Variants in PTPN3 observed in about 807,000 individuals in gnomAD.
PTPN3 encodes the protein tyrosine-protein phosphatase non-receptor type 3.
A neutral mutation model predicts 132.7 loss-of-function variants in PTPN3; 96 were observed. The ratio of observed to expected loss-of-function variants is 0.72; its 90% CI spans 0.61 to 0.86. The LOEUF (loss-of-function observed/expected upper bound fraction) is 0.86. Ranked by LOEUF, PTPN3 falls within the 40% of genes least tolerant of loss-of-function variation. The pLI, the probability that PTPN3 is intolerant of heterozygous loss-of-function variation, is 0.00. For missense variants in PTPN3, 1,125 were observed against 1,159.6 expected, an observed-to-expected ratio of 0.97 and a Z score of 0.43; for synonymous variants, 398 against 429.0, an observed-to-expected ratio of 0.93 and a Z score of 0.89.
rs149073049 is a variant in PTPN3 at position 109,433,104 on chromosome 9, G to A, written c.733C>T (p.Arg245Ter). 3.1e-6 allele frequency: 5 copies of A among 1,613,802 alleles called. No homozygotes were observed. Among genetic ancestry groups the A allele is most frequent in the Non-Finnish European group, 4.2e-6 (5 of 1,179,964 alleles). Residue 245 changes from arginine (R) to a stop codon, truncating the protein, a stop_gained, in exon 10 of 26, where the codon CGA becomes TGA. Transcript: ENST00000374541. LOFTEE classifies it high-confidence loss of function. ...GIASAGVAVY[R>*]KYICTSFYPW... ...TAGAAACTTGTGCAAATGTATTTTC[G>A]GTACACAGCAACACCCGCGGAAGCA...
At chr9:109,512,674 G>C in the PTPN3 span, among the ~76,000 whole-genome samples, 1 of 152,168 alleles carries the variant, frequency 6.6e-6, no homozygotes, top group East Asian at 1.9e-4. Context: ...ACATAAAGGA[G>C]ATTAAAATTG....
intron 19 of PTPN3, among the ~76,000 whole-genome samples, chr9:109,399,861 A>C (rs1209359260): frequency 2.6e-5 from 4 of 151,778 alleles, no homozygotes; most frequent in African/African-American, 7.3e-5. Flanking sequence ...CCCACCTGCC[A>C]ACCACACTGG....
the PTPN3 span, among the ~76,000 whole-genome samples, chr9:109,505,639 G>A: frequency 1.3e-5 from 2 of 152,022 alleles, no homozygotes; most frequent in East Asian, 1.9e-4. Context: ...TCCAATATAC[G>A]TACACCAAGA....
At chr9:109,468,587 C>T (rs377350341) in intron 1 of PTPN3, among the ~76,000 whole-genome samples, 3 of 152,138 alleles carry the variant, frequency 2.0e-5, no homozygotes, top group Non-Finnish European at 4.4e-5. Flanking sequence ...AGGATGGTCT[C>T]GATCTCCTGA....
At chr9:109,411,999 T>C (rs932338847) in intron 14 of PTPN3, among the ~76,000 whole-genome samples, 10 of 152,182 alleles carry the variant, frequency 6.6e-5, no homozygotes, top group Non-Finnish European at 2.9e-5. Flanking sequence ...TGACTTTCAC[T>C]TACGTAAAAG....
At position 109,376,485 on chromosome 9, in the gene PTPN3, G is replaced by GC. The variant is rs574867381; in HGVS notation, c.*3070dup. 235 of 152,268 alleles carry GC rather than the reference G, an allele frequency of 1.5e-3. 2 individuals carry two copies. The highest frequency in any genetic ancestry group is 5.3e-3 in the African/African-American group (221 of 41,556). 9.4% of individuals were successfully genotyped at this position (152,268 alleles called of 1,614,324 possible). ...AAGACAACTGTGTGATCCAACCACT[G>GC]CCCCCTAACCAAAGTTGCATTTTTT... On this transcript the variant is annotated 3_prime_UTR_variant, in exon 26 of 26. Coordinates refer to ENST00000374541, the MANE Select transcript of PTPN3 (RefSeq NM_002829.4).
intron 5 of PTPN3, 120 bp from the exon 6 acceptor site, chr9:109,448,975 G>A (rs537562784): frequency 5.0e-5 from 74 of 1,480,794 alleles, no homozygotes; most frequent in Middle Eastern, 5.0e-4. Flanking sequence ...ATAAAAATAC[G>A]GTTTTGGTCC....
chr9:109,430,043 T>A (rs1564432864), intron 10 of PTPN3, among the ~76,000 whole-genome samples: 1 of 152,210 alleles, frequency 6.6e-6, no homozygotes, highest in African/African-American at 2.4e-5. Context: ...GATCTGTTGG[T>A]AGATGTAACT....
chr9:109,506,844 C>T, the PTPN3 span, among the ~76,000 whole-genome samples: 1 of 152,180 alleles, frequency 6.6e-6, no homozygotes, highest in Non-Finnish European at 1.5e-5. Flanking sequence ...CTCAGGCATT[C>T]CTCCCGTCTT....
chr9:109,411,315 G>C (rs1842061737), intron 14 of PTPN3, among the ~76,000 whole-genome samples: 1 of 152,100 alleles, frequency 6.6e-6, no homozygotes, highest in South Asian at 2.1e-4. Flanking sequence ...GCTTTCCCCC[G>C]GCTTAGCAGA....
the PTPN3 span, among the ~76,000 whole-genome samples, chr9:109,530,125 A>G: frequency 2.0e-5 from 3 of 152,318 alleles, no homozygotes; most frequent in Non-Finnish European, 2.9e-5. Flanking sequence ...GTTATAGTCC[A>G]ATGGCATTGA....
At chr9:109,495,480 G>T (rs563338781) in intron 1 of PTPN3, among the ~76,000 whole-genome samples, 1 of 152,276 alleles carries the variant, frequency 6.6e-6, no homozygotes, top group East Asian at 1.9e-4. Flanking sequence ...TTGTGTGCCT[G>T]GACCTGTAGT....
chr9:109,470,588 T>C (rs1414260941), intron 1 of PTPN3, among the ~76,000 whole-genome samples: 1 of 151,360 alleles, frequency 6.6e-6, no homozygotes, highest in East Asian at 1.9e-4. Flanking sequence ...CCTAGGTATT[T>C]GGGAGGCTGA....
At chr9:109,456,676 G>A (rs1845581825) in intron 4 of PTPN3, among the ~76,000 whole-genome samples, 1 of 152,196 alleles carries the variant, frequency 6.6e-6, no homozygotes, top group African/African-American at 2.4e-5. Context: ...CCACCGAACT[G>A]GGAGTTAGCT....
intron 1 of PTPN3, among the ~76,000 whole-genome samples, chr9:109,487,523 G>A (rs922835949): frequency 3.9e-5 from 6 of 152,240 alleles, no homozygotes; most frequent in Non-Finnish European, 7.3e-5. Flanking sequence ...ACACGCTCTG[G>A]GGGTGGGGCC....
At chr9:109,504,285 G>A in the PTPN3 span, among the ~76,000 whole-genome samples, 142 of 152,290 alleles carry the variant, frequency 9.3e-4, 1 homozygote, top group African/African-American at 3.3e-3. Context: ...CACCAGACCC[G>A]TAGGGCCCTC....
intron 7 of PTPN3, among the ~76,000 whole-genome samples, chr9:109,442,448 T>C (rs1413411770): frequency 1.3e-5 from 2 of 152,230 alleles, no homozygotes; most frequent in Non-Finnish European, 2.9e-5. Flanking sequence ...TGATAAGCCA[T>C]GATTCTATTA....
intron 6 of PTPN3, among the ~76,000 whole-genome samples, chr9:109,446,427 G>T (rs575664867): frequency 2.0e-5 from 3 of 152,288 alleles, no homozygotes; most frequent in Admixed American, 6.5e-5. Flanking sequence ...GGCCCCCATT[G>T]TTCCTCAAGT....
At chr9:109,499,869 C>T (rs1847835252), upstream of PTPN3, among the ~76,000 whole-genome samples, 1 of 152,178 alleles carries the variant, frequency 6.6e-6, no homozygotes, top group African/African-American at 2.4e-5. Flanking sequence ...CCCGGCCCGG[C>T]CTCGAGTCGC....
Sources: gnomAD v4.1 joint callset for allele counts (sites outside exome capture counted in the v4.1 genomes callset) on GRCh38, gnomAD v4.1.1 for gene constraint, MANE v1.5 for transcripts, NCBI Gene and HGNC (gene_info 2026-07-23, HGNC 2026-07-21) for gene names.